MYH3: variants seen among roughly 807,000 people sequenced by gnomAD.
MYH3 encodes the protein myosin heavy chain 3.
A neutral mutation model predicts 238.0 loss-of-function variants in MYH3; 130 were observed. That is an observed-to-expected ratio of 0.55 (90% CI 0.47 to 0.63). The LOEUF (loss-of-function observed/expected upper bound fraction) is 0.63, where lower values mean the gene tolerates loss of function less well. Ranked by LOEUF, MYH3 falls within the 30% of genes least tolerant of loss-of-function variation. The probability of loss-of-function intolerance (pLI) is 0.00; values close to 1 mark genes in which losing one functional copy is unlikely to be tolerated. For missense variants in MYH3, 1,853 were observed against 2,374.9 expected (o/e 0.78, Z 4.57); for synonymous variants, 880 against 924.1 (o/e 0.95, Z 0.86).
rs371998155 is a variant in MYH3 at position 10,635,898 on chromosome 17, C to G, written c.3857-45G>C. ...GTTTCATTTCATTTATTCACTCATT[C>G]ACTCACCAACTTTCTATTATGTGTA... On this transcript the variant is annotated intron_variant, in intron 28 of 40. Coordinates refer to ENST00000583535, the MANE Select transcript of MYH3 (RefSeq NM_002470.4). 1,706 of 1,500,362 alleles carry G rather than the reference C, an allele frequency of 1.1e-3. 26 individuals are homozygous for G. The South Asian group carries it at 0.018, about 16-fold the overall frequency. 92.9% of individuals were successfully genotyped at this position (1,500,362 alleles called of 1,614,324 possible). A position where few individuals can be genotyped will look rare whatever the true frequency, so the allele number is the denominator to read the frequency against.
Position 10,655,056 on chromosome 17 carries a change from A to T in MYH3, c.9T>A (p.Ser3Arg). ...TGCCGAACACTTCCATTTCAGTGTC[A>T]CTACTCATGGTGTCAGCTGGAAGGC... is the stretch of plus-strand genomic sequence containing the variant. MS[S>R]DTEMEVFGIA... is the part of the protein sequence containing the mutation. The change falls in exon 3 of 41, where the codon AGT becomes AGA. Residue 3 changes from serine to arginine, a missense_variant. Ser to Arg is a moderately radical substitution (Grantham distance 110, BLOSUM62 -1). Around this residue, in one of 3 missense-constraint regions of MYH3, gnomAD observed 131 missense variants for 123.5 expected, o/e 1.06. Transcript: ENST00000583535. The T allele has an allele frequency of 6.2e-7, 1 of 1,614,084 alleles. No individual in the cohort carries two copies. Among genetic ancestry groups the T allele is most frequent in the Non-Finnish European group, 8.5e-7 (1 of 1,180,012 alleles).
intron 28 of MYH3, 77 bp downstream of exon 28, chr17:10,637,732 T>C: frequency 6.3e-7 from 1 of 1,593,070 alleles, no homozygotes; most frequent in Non-Finnish European, 8.6e-7. Context: ...AAACACACCC[T>C]GCCCTTGGTT....
In MYH3 at chr17:10,637,841, G is replaced by C. The variant is rs1275605630; in HGVS notation, c.3824C>G (p.Thr1275Ser). Reference protein sequence around the residue: ...EEIQRSLSELTTQKSRLQTEA... With the variant: ...EEIQRSLSELSTQKSRLQTEA... ...GGTCTGCAAACGAGACTTCTGTGTG[G>C]TCAGCTCGCTCAGGCTCCTCTGAAT... The change falls in exon 28 of 41, where the codon ACC becomes AGC. Residue 1275 changes from threonine to serine, a missense_variant. Transcript: ENST00000583535. 1.2e-6 allele frequency: 2 copies of C among 1,614,112 alleles called. No individual in the cohort carries two copies. Among genetic ancestry groups the C allele is most frequent in the Non-Finnish European group, 1.7e-6 (2 of 1,180,042 alleles).
the MYH3 span, among the ~76,000 whole-genome samples, chr17:10,666,042 T>C: frequency 6.6e-6 from 1 of 152,020 alleles, no homozygotes; most frequent in Non-Finnish European, 1.5e-5. Flanking sequence ...GACAACCAGA[T>C]GGCTATTTGG....
Sources: gnomAD v4.1 joint callset for allele counts (sites outside exome capture counted in the v4.1 genomes callset) on GRCh38, gnomAD v4.1.1 for gene constraint, gnomAD v4.1.1 regional missense constraint, MANE v1.5 for transcripts, NCBI Gene and HGNC (gene_info 2026-07-23, HGNC 2026-07-21) for gene names.